MALRD1: variants seen among roughly 807,000 people sequenced by gnomAD.
MALRD1 encodes MAM and LDL receptor class A domain containing 1.
In MALRD1, 247 loss-of-function variants were observed where a neutral mutation model predicts 242.1. The ratio of observed to expected loss-of-function variants is 1.02; its 90% CI spans 0.92 to 1.13. MALRD1 has a LOEUF of 1.13. Among genes scored for constraint, MALRD1 ranks in the 50% most tolerant of loss-of-function variants. MALRD1 has a pLI of 0.00. For synonymous variants in MALRD1, 995 were observed against 866.6 expected (o/e 1.15, Z -2.60); for missense variants, 2,989 against 2,533.1 (o/e 1.18, Z -3.86).
chr10:19,708,740 C>T (rs1446722387), intron 38 of MALRD1, among the ~76,000 whole-genome samples: 1 of 122,882 alleles, frequency 8.1e-6, no homozygotes, highest in Non-Finnish European at 1.9e-5. Context: ...CGGCTCACCA[C>T]AACCTCCGCC....
intron 26 of MALRD1, among the ~76,000 whole-genome samples, chr10:19,381,681 A>T (rs1845844760): frequency 6.6e-6 from 1 of 151,494 alleles, no homozygotes; most frequent in Non-Finnish European, 1.5e-5. Context: ...TACAAAAAAA[A>T]AAAAAAAATT....
At chr10:19,292,311 C>T (rs1422068752) in intron 21 of MALRD1, among the ~76,000 whole-genome samples, 1 of 151,838 alleles carries the variant, frequency 6.6e-6, no homozygotes, top group Non-Finnish European at 1.5e-5. Flanking sequence ...TCTGTTGGAT[C>T]AAAACAAAAA....
At chr10:19,098,085 C>T (rs1836110185) in intron 4 of MALRD1, among the ~76,000 whole-genome samples, 1 of 152,150 alleles carries the variant, frequency 6.6e-6, no homozygotes, top group Admixed American at 6.5e-5. Context: ...ATCCAAGACC[C>T]TCTCTTGGGG....
At chr10:19,052,551 G>A (rs1202188645) in intron 1 of MALRD1, among the ~76,000 whole-genome samples, 2 of 152,112 alleles carry the variant, frequency 1.3e-5, no homozygotes, top group African/African-American at 4.8e-5. Context: ...TGATTACACG[G>A]CCTGGGGTCT....
chr10:19,513,599 C>T (rs961243503), intron 31 of MALRD1, among the ~76,000 whole-genome samples: 1 of 151,840 alleles, frequency 6.6e-6, no homozygotes, highest in Admixed American at 6.6e-5. Flanking sequence ...ATTAGCCAGG[C>T]GTGGTAGCGG....
At position 19,160,294 on chromosome 10, in the gene MALRD1, G is replaced by T. The variant is rs918274476; in HGVS notation, c.1656+5122G>T. ...GATTTGCGTATATTGAACCAGCCTT[G>T]CATCCCAGGGATGAAGCCCACTTGA... is the stretch of plus-strand genomic sequence containing the variant. On this transcript the variant is annotated intron_variant, in intron 12 of 39. Transcript: ENST00000454679. Among the ~76,000 whole-genome samples, 8 of 144,680 alleles carry T rather than the reference G, an allele frequency of 5.5e-5. No homozygotes were observed. In the South Asian group the frequency reaches 7.0e-4, roughly 13 times the overall value. 94.9% of individuals were successfully genotyped at this position (144,680 alleles called of 152,430 possible). A position where few individuals can be genotyped will look rare whatever the true frequency, so the allele number is the denominator to read the frequency against.
chr10:19,468,942 T>A (rs1186315340), intron 29 of MALRD1, among the ~76,000 whole-genome samples: 1 of 152,122 alleles, frequency 6.6e-6, no homozygotes, highest in East Asian at 1.9e-4. Flanking sequence ...CTCTTAATTT[T>A]TTTAATAAAT....
rs116840153 is a variant in MALRD1, at chr10:19,377,982, G to C, written c.4442-9546G>C. On this transcript the variant is annotated intron_variant, in intron 26 of 39. Transcript: ENST00000454679. ...AATTTTCACCATTTTTGTCAATCAAGAATTCTGTGATTAAAGTAAGCTGGA... is the reference window on the plus strand; with the variant it reads ...AATTTTCACCATTTTTGTCAATCAACAATTCTGTGATTAAAGTAAGCTGGA... 3.0e-3 allele frequency among the ~76,000 whole-genome samples: 450 copies of C among 152,152 alleles called. 3 individuals are homozygous for C. The highest frequency in any genetic ancestry group is 0.01 in the African/African-American group (418 of 41,544).
chr10:19,240,845 A>T (rs1464639802), intron 18 of MALRD1, among the ~76,000 whole-genome samples: 2 of 151,828 alleles, frequency 1.3e-5, no homozygotes, highest in Non-Finnish European at 2.9e-5. Context: ...TTTTCTTTCT[A>T]TTGTGGTGGT....
intron 28 of MALRD1, among the ~76,000 whole-genome samples, chr10:19,432,194 G>T (rs1834160957): frequency 1.3e-5 from 2 of 152,076 alleles, no homozygotes; most frequent in Admixed American, 6.6e-5. Flanking sequence ...GAGCAACATT[G>T]GCTATTGTCT....
At chr10:19,733,955 C>T (rs982406107) in intron 39 of MALRD1, among the ~76,000 whole-genome samples, 2 of 151,862 alleles carry the variant, frequency 1.3e-5, no homozygotes, top group Non-Finnish European at 2.9e-5. Flanking sequence ...TCCTGAGGAC[C>T]CCAGGATACA....
intron 4 of MALRD1, 68 bp from the exon 5 acceptor site, chr10:19,103,911 A>T (rs1268480308): frequency 3.2e-6 from 3 of 950,132 alleles, no homozygotes; most frequent in Admixed American, 8.6e-5. Flanking sequence ...CTCTTTTATA[A>T]CACTGTGAGA....
chr10:19,565,437 A>T (rs891163416), intron 32 of MALRD1, among the ~76,000 whole-genome samples: 1 of 152,236 alleles, frequency 6.6e-6, no homozygotes, highest in Non-Finnish European at 1.5e-5. Flanking sequence ...TAATTTTGCC[A>T]GGAAGAAATT....
At chr10:19,592,333 G>A (rs1339213887) in intron 33 of MALRD1, among the ~76,000 whole-genome samples, 2 of 152,232 alleles carry the variant, frequency 1.3e-5, no homozygotes, top group Non-Finnish European at 2.9e-5. Flanking sequence ...GGGAGCTCTG[G>A]AGCTGCCATG....
At chr10:19,184,481 A>G (rs1356057033) in intron 14 of MALRD1, among the ~76,000 whole-genome samples, 2 of 152,072 alleles carry the variant, frequency 1.3e-5, no homozygotes, top group Non-Finnish European at 2.9e-5. Context: ...GTTACTCTGA[A>G]TTGTTTCTTT....
chr10:19,436,355 T>C (rs560502925), intron 28 of MALRD1, among the ~76,000 whole-genome samples: 41 of 152,332 alleles, frequency 2.7e-4, no homozygotes, highest in African/African-American at 9.4e-4. Flanking sequence ...TACAATTTTA[T>C]ATTATTTCCA....
At chr10:19,572,012 A>G (rs1459236263) in intron 33 of MALRD1, among the ~76,000 whole-genome samples, 3 of 152,162 alleles carry the variant, frequency 2.0e-5, no homozygotes, top group Admixed American at 6.5e-5. Flanking sequence ...ACAAACTCCC[A>G]TAATCAGAAG....
chr10:19,351,919 G>C (rs1476431253), intron 25 of MALRD1, 87 bp from the exon 26 acceptor site: 6 of 1,193,918 alleles, frequency 5.0e-6, no homozygotes, highest in African/African-American at 3.1e-5. Context: ...TGTTAATAAA[G>C]AAGAGGGCAA....
intron 28 of MALRD1, among the ~76,000 whole-genome samples, chr10:19,445,370 C>A (rs1054660375): frequency 6.6e-6 from 1 of 152,104 alleles, no homozygotes; most frequent in African/African-American, 2.4e-5. Context: ...AGCTGCGTTC[C>A]TTTGGAGGAG....
Sources: allele counts gnomAD v4.1 joint callset (sites outside exome capture counted in the v4.1 genomes callset), GRCh38; gene constraint gnomAD v4.1.1; transcripts MANE v1.5; gene names NCBI Gene and HGNC (gene_info 2026-07-23, HGNC 2026-07-21).